The following MINK1 variants were observed in gnomAD, a reference collection of about 807,000 sequenced individuals.
MINK1 encodes the protein misshapen like kinase 1, also known as misshapen-like kinase 1.
In MINK1, 46 loss-of-function variants were observed where a neutral mutation model predicts 178.4. The ratio of observed to expected loss-of-function variants is 0.26; its 90% CI spans 0.20 to 0.33. The LOEUF is 0.33. MINK1 is among the 10% of genes least tolerant of loss of function. The probability of loss-of-function intolerance (pLI) is 1.00; values close to 1 mark genes in which losing one functional copy is unlikely to be tolerated. For missense variants in MINK1, 1,366 were observed against 1,814.9 expected, an observed-to-expected ratio of 0.75 and a Z score of 4.49; for synonymous variants, 797 against 709.7, an observed-to-expected ratio of 1.12 and a Z score of -1.96.
chr17:4,834,801 G>C (rs1398456550), intron 1 of MINK1: 1 of 520,110 alleles, frequency 1.9e-6, no homozygotes, highest in South Asian at 1.4e-5. Context: ...GGAGGCCCCT[G>C]CTCAGACTGT....
At chr17:4,888,032 A>T (rs1441921212) in intron 12 of MINK1, among the ~76,000 whole-genome samples, 1 of 152,184 alleles carries the variant, frequency 6.6e-6, no homozygotes, top group Non-Finnish European at 1.5e-5. Context: ...CCTGGCCAAC[A>T]TGGTGAAACC....
chr17:4,859,375 C>G (rs1913746328), intron 1 of MINK1: 2 of 860,126 alleles, frequency 2.3e-6, no homozygotes, highest in African/African-American at 3.7e-5. Context: ...GCAGTTTCCT[C>G]ACAATCTTAC....
At chr17:4,835,809 C>A (rs1351745435) in intron 1 of MINK1, among the ~76,000 whole-genome samples, 2 of 152,136 alleles carry the variant, frequency 1.3e-5, no homozygotes, top group Non-Finnish European at 2.9e-5. Context: ...TATTTCCCTT[C>A]TGGACTTCTC....
chr17:4,858,156 G>A (rs1278111428), intron 1 of MINK1, among the ~76,000 whole-genome samples: 1 of 152,160 alleles, frequency 6.6e-6, no homozygotes, highest in South Asian at 2.1e-4. Context: ...CTTTAAGGGA[G>A]CTGATGAATT....
chr17:4,871,337 C>G (rs1915838212), intron 1 of MINK1, among the ~76,000 whole-genome samples: 1 of 151,812 alleles, frequency 6.6e-6, no homozygotes, highest in Non-Finnish European at 1.5e-5. Context: ...ACTACAGGTA[C>G]ATGCCACCTT....
chr17:4,895,676 T>C lies in MINK1; in HGVS notation c.3230-22T>C, dbSNP rs374945376. 30 of 1,610,928 alleles carry C rather than the reference T, an allele frequency of 1.9e-5. No homozygotes were observed. The highest frequency in any genetic ancestry group is 2.5e-5 in the Non-Finnish European group (29 of 1,178,666). ...CCTCAGATGAGAATGGGGGCGGGTG[T>C]GTATGTCTGTCCGTCCCTCAGGGAA... On this transcript the variant is annotated intron_variant, in intron 26 of 31. Transcript: ENST00000355280. This position sits in a 1 kb window ranked among gnomAD's most constrained non-coding sequence, Gnocchi z 4.3.
In MINK1 at chr17:4,897,200, C is replaced by G. The variant is rs763508313; in HGVS notation, c.3916-4C>G. 1 of 1,613,130 alleles carries G rather than the reference C, an allele frequency of 6.2e-7. No individual in the cohort carries two copies. The highest frequency in any genetic ancestry group is 8.5e-7 in the Non-Finnish European group (1 of 1,179,472). On this transcript the variant is annotated splice_region_variant and splice_polypyrimidine_tract_variant and intron_variant, in intron 31 of 31. Coordinates refer to ENST00000355280, the MANE Select transcript of MINK1 (RefSeq NM_153827.5). ...TTGGTGACTTCTTCTCCTGCCCCAC[C>G]CAGGTGTTTTTTGCCTCAGTCCGCT...
chr17:4,861,364 G>A (rs933339769), intron 1 of MINK1, among the ~76,000 whole-genome samples: 2 of 152,124 alleles, frequency 1.3e-5, no homozygotes, highest in East Asian at 1.9e-4. Flanking sequence ...CGTAAACAAC[G>A]CAGGGCACAG....
intron 13 of MINK1, 66 bp from the exon 14 acceptor site, chr17:4,890,451 G>A: frequency 6.6e-7 from 1 of 1,526,302 alleles, no homozygotes; most frequent in Non-Finnish European, 8.8e-7. Flanking sequence ...GAAAAGAGAG[G>A]GCATGCCTGC....
chr17:4,837,026 A>G (rs1909407531), intron 1 of MINK1, among the ~76,000 whole-genome samples: 1 of 152,066 alleles, frequency 6.6e-6, no homozygotes, highest in African/African-American at 2.4e-5. Flanking sequence ...CTAAAAAAAA[A>G]ATACAAAAAA....
chr17:4,887,051 C>T lies in MINK1; in HGVS notation c.950-59C>T. 1 of 1,534,210 alleles carries T rather than the reference C, an allele frequency of 6.5e-7. No homozygotes were observed. Among genetic ancestry groups the T allele is most frequent in the Non-Finnish European group, 8.8e-7 (1 of 1,131,308 alleles). ...CTGGTTATCCCCACCCAAGGTTTCCCTAGCCCACGGCGGGTCTGGGGCGCT... is the reference window on the plus strand; with the variant it reads ...CTGGTTATCCCCACCCAAGGTTTCCTTAGCCCACGGCGGGTCTGGGGCGCT... On this transcript the variant is annotated intron_variant, in intron 10 of 31. Transcript: ENST00000355280. The surrounding 1 kb of genome is among the most constrained non-coding windows in gnomAD (Gnocchi z 7.6).
chr17:4,869,313 A>G (rs1048051940), intron 1 of MINK1, among the ~76,000 whole-genome samples: 19 of 151,358 alleles, frequency 1.3e-4, no homozygotes, highest in Admixed American at 2.6e-4. Flanking sequence ...TTTCACTCCT[A>G]TCGCCCAGGC....
chr17:4,859,982 G>T (rs1161079254), intron 1 of MINK1, among the ~76,000 whole-genome samples: 2 of 150,990 alleles, frequency 1.3e-5, no homozygotes, highest in African/African-American at 4.9e-5. Flanking sequence ...GGAACTACTT[G>T]CCGCATGCGG....
intron 2 of MINK1, among the ~76,000 whole-genome samples, chr17:4,879,964 G>A (rs1967544025): frequency 6.6e-6 from 1 of 152,198 alleles, no homozygotes; most frequent in Non-Finnish European, 1.5e-5. Flanking sequence ...GGAGAAGAGG[G>A]TGAGGCAAAG....
At chr17:4,842,194 A>G (rs1271906623) in intron 1 of MINK1, among the ~76,000 whole-genome samples, 1 of 147,594 alleles carries the variant, frequency 6.8e-6, no homozygotes, top group African/African-American at 2.5e-5. Context: ...ACTGCACTCC[A>G]GCCTGGGCGA....
Position 4,857,999 on chromosome 17 carries a change from T to A in MINK1, c.58-20318T>A, listed in dbSNP as rs1425902361. Among the ~76,000 whole-genome samples, 3 of 152,176 alleles carry A rather than the reference T, an allele frequency of 2.0e-5. No homozygotes were observed. In the East Asian group the frequency reaches 5.8e-4, roughly 29 times the overall value. ...CCTTTGTCTCTCAGGCCCTTATCCC[T>A]TCCCCTGTGGTGGCTTCAGAATATC... On this transcript the variant is annotated intron_variant, in intron 1 of 31. Coordinates refer to ENST00000355280, the MANE Select transcript of MINK1 (RefSeq NM_153827.5).
At chr17:4,884,320 T>G in intron 4 of MINK1, 43 bp from the exon 5 acceptor site, 1 of 1,539,014 alleles carries the variant, frequency 6.5e-7, no homozygotes, top group African/African-American at 1.4e-5. Flanking sequence ...GGAGGGCTTG[T>G]CTGACTGATA....
In MINK1 at chr17:4,889,733, G is replaced by T; in HGVS notation, c.1317G>T (p.Glu439Asp). The T allele has an allele frequency of 6.5e-7, 1 of 1,547,314 alleles. No homozygotes were observed. ...AGGACATGCAGGCTCTGCGGCGGGA[G>T]GAGGAGCGGCGGCAGGCGGAGCGCG... ...RLEDMQALRR[E>D]EERRQAEREQ... The change falls in exon 13 of 32, where the codon GAG (glutamate) becomes GAT (aspartate). Residue 439 changes from glutamate to aspartate, a missense_variant. Transcript: ENST00000355280.
Position 4,896,256 on chromosome 17 carries a change from C to A in MINK1, c.3529C>A (p.Leu1177Ile), listed in dbSNP as rs1475859936. 6.2e-7 allele frequency: 1 copy of A among 1,607,548 alleles called. No individual in the cohort carries two copies. Among genetic ancestry groups the A allele is most frequent in the Admixed American group, 1.7e-5 (1 of 59,494 alleles). Residue 1177 changes from leucine to isoleucine, a missense_variant, in exon 29 of 32, where the codon CTC (leucine) becomes ATC (isoleucine). Leu to Ile is a conservative substitution (Grantham distance 5). This residue lies in a region of MINK1 where 201 missense variants were observed against 240.7 expected (regional missense o/e 0.84). Coordinates refer to ENST00000355280, the MANE Select transcript of MINK1 (RefSeq NM_153827.5). The surrounding 1 kb of genome is among the most constrained non-coding windows in gnomAD (Gnocchi z 4.6). ...CCTGACAGTAGAGGAGGGGCAGCGG[C>A]TCAAGGTCATCTATGGCTCCAGTGC... is the stretch of plus-strand genomic sequence containing the variant. ...VDLTVEEGQR[L>I]KVIYGSSAGF...
Sources: allele counts gnomAD v4.1 joint callset (sites outside exome capture counted in the v4.1 genomes callset), GRCh38; gene constraint gnomAD v4.1.1; regional missense constraint gnomAD v4.1.1; non-coding constraint Gnocchi (gnomAD v3.1); transcripts MANE v1.5; gene names NCBI Gene and HGNC (gene_info 2026-07-23, HGNC 2026-07-21).